INIP: variants seen among roughly 807,000 people sequenced by gnomAD.
INIP encodes INTS3 and NABP interacting protein.
A neutral mutation model predicts 14.0 loss-of-function variants in INIP; 9 were observed. The ratio of observed to expected loss-of-function variants is 0.64; its 90% CI spans 0.39 to 1.12. INIP has a LOEUF of 1.12. INIP is among the 50% of genes most tolerant of loss of function. The probability of loss-of-function intolerance (pLI) is 0.01; values close to 1 mark genes in which losing one functional copy is unlikely to be tolerated. For synonymous variants in INIP, 37 were observed against 41.5 expected, an observed-to-expected ratio of 0.89 and a Z score of 0.41; for missense variants, 78 against 122.7, an observed-to-expected ratio of 0.64 and a Z score of 1.72.
intron 2 of INIP, among the ~76,000 whole-genome samples, chr9:112,699,181 G>C (rs1247374889): frequency 6.6e-6 from 1 of 151,658 alleles, no homozygotes; most frequent in African/African-American, 2.4e-5. Context: ...TTTCCAGTTA[G>C]GTGTGGTGCT....
chr9:112,686,205 A>T lies in INIP; in HGVS notation c.*1333T>A, dbSNP rs527447195. 32 of 152,056 alleles carry T rather than the reference A, an allele frequency of 2.1e-4. No individual in the cohort carries two copies. Among genetic ancestry groups the T allele is most frequent in the African/African-American group, 6.5e-4 (27 of 41,464 alleles). 9.4% of individuals were successfully genotyped at this position (152,056 alleles called of 1,614,324 possible). A position where few individuals can be genotyped will look rare whatever the true frequency, so the allele number is the denominator to read the frequency against. ...TATCATTTCAATCCTATTAAAAGTT[A>T]AAAAAAATGTAGATTTTAGCTAAAT... On this transcript the variant is annotated 3_prime_UTR_variant, in exon 5 of 5. Transcript: ENST00000374242.
Position 112,689,557 on chromosome 9 carries a change from A to G in INIP, c.189T>C (p.His63=). 1 of 1,614,168 alleles carries G rather than the reference A, an allele frequency of 6.2e-7. No individual in the cohort carries two copies. ...AAGCTGCCTTCTGTTGGGCTGCAAT[A>G]TGCTGCTGCTCAGCGTGATCCCGGA... ...KDFRDHAEQQ[H]IAAQQKAALQ... Residue 63 remains histidine, a synonymous_variant, in exon 4 of 5, where the codon CAT becomes CAC. Transcript: ENST00000374242.
intron 3 of INIP, among the ~76,000 whole-genome samples, chr9:112,692,113 C>T (rs1052008084): frequency 2.0e-5 from 3 of 152,132 alleles, no homozygotes; most frequent in African/African-American, 4.8e-5. Flanking sequence ...AGATTTAACC[C>T]GGGAAGGTTA....
chr9:112,698,032 C>T lies in INIP; in HGVS notation c.26-3799G>A, dbSNP rs142644024. On this transcript the variant is annotated intron_variant, in intron 2 of 4. Transcript: ENST00000374242. ...TGAAATGATTAAAGTAGGCTGGGCGCGGTGGCTCACGCCTGTAATCCCAGC... is the reference window on the plus strand; with the variant it reads ...TGAAATGATTAAAGTAGGCTGGGCGTGGTGGCTCACGCCTGTAATCCCAGC... Among the ~76,000 whole-genome samples, 328 of 151,998 alleles carry T rather than the reference C, an allele frequency of 2.2e-3. 2 individuals are homozygous for T. The highest frequency in any genetic ancestry group is 7.3e-3 in the African/African-American group (302 of 41,462).
intron 2 of INIP, 152 bp from the exon 3 acceptor site, chr9:112,694,385 C>G (rs1208055510): frequency 1.7e-6 from 1 of 579,120 alleles, no homozygotes; most frequent in Non-Finnish European, 3.0e-6. Context: ...AGTACTTTCC[C>G]TAAATGGTTA....
chr9:112,698,212 G>A (rs1453851772), intron 2 of INIP, among the ~76,000 whole-genome samples: 2 of 147,234 alleles, frequency 1.4e-5, no homozygotes, highest in Admixed American at 7.1e-5. Context: ...ACTGAGGCAG[G>A]AGAATTGCTT....
chr9:112,708,032 T>C (rs1244531403), intron 2 of INIP, among the ~76,000 whole-genome samples: 1 of 152,224 alleles, frequency 6.6e-6, no homozygotes, highest in Non-Finnish European at 1.5e-5. Flanking sequence ...AAACTTGACA[T>C]GATTCTAGCT....
At chr9:112,700,619 A>G (rs1429176413) in intron 2 of INIP, among the ~76,000 whole-genome samples, 3 of 149,806 alleles carry the variant, frequency 2.0e-5, no homozygotes, top group Admixed American at 6.7e-5. Context: ...TTAGGCATTA[A>G]GTTAAAACTG....
chr9:112,696,410 T>C (rs1030346253), intron 2 of INIP, among the ~76,000 whole-genome samples: 3 of 152,296 alleles, frequency 2.0e-5, no homozygotes, highest in African/African-American at 7.2e-5. Flanking sequence ...CAAGGAAAGA[T>C]TTAATACAGC....
At chr9:112,698,344 G>A (rs148116978) in intron 2 of INIP, among the ~76,000 whole-genome samples, 1 of 144,390 alleles carries the variant, frequency 6.9e-6, no homozygotes, top group East Asian at 2.1e-4. Context: ...GATTAAAGTA[G>A]TCCTGACTGA....
At chr9:112,715,133 TACACACACACACACACACACACAC>T (rs58647648) in intron 2 of INIP, among the ~76,000 whole-genome samples, 4 of 133,518 alleles carry the variant, frequency 3.0e-5, no homozygotes, top group South Asian at 2.7e-4. Context: ...CATACATACA[TACACACACACACACACACACACAC>T]ACACACACAC....
At chr9:112,707,330 CT>C (rs560195464) in intron 2 of INIP, among the ~76,000 whole-genome samples, 2,172 of 132,326 alleles carry the variant, frequency 0.016, 30 homozygotes, top group African/African-American at 0.048. Context: ...CTGTTTCAAA[CT>C]TTTTTTTTTT....
intron 2 of INIP, among the ~76,000 whole-genome samples, chr9:112,707,230 T>C (rs1838503726): frequency 6.7e-6 from 1 of 148,688 alleles, no homozygotes; most frequent in South Asian, 2.1e-4. Flanking sequence ...TGAGCCACTG[T>C]GCCCGGCCTC....
chr9:112,707,775 T>A (rs909349565), intron 2 of INIP, among the ~76,000 whole-genome samples: 1 of 152,214 alleles, frequency 6.6e-6, no homozygotes, highest in Admixed American at 6.5e-5. Flanking sequence ...TGTCAAGTGG[T>A]TATCCTACAA....
rs1005567437 is a variant in INIP at position 112,685,724 on chromosome 9, C to T, written c.*1814G>A. 6.6e-6 allele frequency: 1 copy of T among 152,146 alleles called. No homozygotes were observed. The highest frequency in any genetic ancestry group is 1.5e-5 in the Non-Finnish European group (1 of 68,036). 9.4% of individuals were successfully genotyped at this position (152,146 alleles called of 1,614,324 possible). A position where few individuals can be genotyped will look rare whatever the true frequency, so the allele number is the denominator to read the frequency against. ...GAGAACAGAAACCTAGTGAAATCAA[C>T]TCAAGACAATGAGGGCTACCATAAG... On this transcript the variant is annotated 3_prime_UTR_variant, in exon 5 of 5. Transcript: ENST00000374242.
At chr9:112,689,251 C>T (rs534340869) in intron 4 of INIP, among the ~76,000 whole-genome samples, 2 of 152,200 alleles carry the variant, frequency 1.3e-5, no homozygotes, top group South Asian at 4.1e-4. Flanking sequence ...GATTCCTGTC[C>T]AGCCAAATAT....
rs1381949868 is a variant in INIP at position 112,689,425 on chromosome 9, T to C, written c.219+102A>G. 8 of 927,350 alleles carry C rather than the reference T, an allele frequency of 8.6e-6. No homozygotes were observed. The African/African-American group carries it at 1.1e-4, about 13-fold the overall frequency. 57.4% of individuals were successfully genotyped at this position (927,350 alleles called of 1,614,324 possible). A position where few individuals can be genotyped will look rare whatever the true frequency, so the allele number is the denominator to read the frequency against. ...AACCATTGCAATTATGTGTGGAACATTTTTATTGATATTGCTCCACTGAAA... is the reference window on the plus strand; with the variant it reads ...AACCATTGCAATTATGTGTGGAACACTTTTATTGATATTGCTCCACTGAAA... On this transcript the variant is annotated intron_variant, in intron 4 of 4. Coordinates refer to ENST00000374242, the MANE Select transcript of INIP (RefSeq NM_021218.3).
intron 2 of INIP, among the ~76,000 whole-genome samples, chr9:112,713,725 TC>T (rs1250031526): frequency 2.6e-5 from 4 of 152,070 alleles, no homozygotes; most frequent in African/African-American, 9.7e-5. Context: ...GCACAGTGGC[TC>T]ATGCCTGTAA....
intron 3 of INIP, among the ~76,000 whole-genome samples, chr9:112,691,307 T>C (rs996310989): frequency 1.3e-5 from 2 of 152,180 alleles, no homozygotes; most frequent in Non-Finnish European, 2.9e-5. Context: ...ATTTCTGACT[T>C]TGTAACTAGT....
Sources: gnomAD v4.1 joint callset for allele counts (sites outside exome capture counted in the v4.1 genomes callset) on GRCh38, gnomAD v4.1.1 for gene constraint, MANE v1.5 for transcripts, NCBI Gene and HGNC (gene_info 2026-07-23, HGNC 2026-07-21) for gene names.